KITLG: variants seen among roughly 807,000 people sequenced by gnomAD.
The protein encoded by KITLG is c-Kit ligand.
Under a neutral mutation model 34.1 loss-of-function variants are expected in KITLG, and 13 were observed. The observed-to-expected ratio is 0.38, with a 90% CI of 0.25 to 0.61. The LOEUF is 0.61. KITLG is among the 20% of genes least tolerant of loss of function. KITLG has a pLI of 0.60. For missense variants in KITLG, 292 were observed against 318.9 expected, an observed-to-expected ratio of 0.92 and a Z score of 0.64; for synonymous variants, 110 against 104.0, an observed-to-expected ratio of 1.06 and a Z score of -0.35.
intron 9 of KITLG, among the ~76,000 whole-genome samples, chr12:88,499,003 C>T (rs1429350768): frequency 6.6e-6 from 1 of 152,076 alleles, no homozygotes; most frequent in African/African-American, 2.4e-5. Flanking sequence ...CACCTGTTTT[C>T]CCATAGAACA....
In KITLG at chr12:88,545,864, G is replaced by A. The variant is rs747378458; in HGVS notation, c.17C>T (p.Thr6Ile). The change falls in exon 2 of 10, where the codon ACT (threonine) becomes ATT (isoleucine). Residue 6 changes from threonine (T) to isoleucine (I), a missense_variant and splice_region_variant. By Grantham distance (89) the Thr-to-Ile change is moderately conservative. This residue lies in a region of KITLG where 152 missense variants were observed against 207.9 expected (regional missense o/e 0.73). Transcript: ENST00000644744. MKKTQ[T>I]WILTCIYLQL... is the part of the protein sequence containing the mutation. The stretch of plus-strand genomic sequence containing the variant: ...AAGATAAATGCAAGTGAGAATCCAA[G>A]TCTAAATGAAAACAGAAAAATTGCT... The A allele has an allele frequency of 6.3e-7, 1 of 1,594,198 alleles. No individual in the cohort carries two copies. The highest frequency in any genetic ancestry group is 8.6e-7 in the Non-Finnish European group (1 of 1,162,244).
intron 1 of KITLG, among the ~76,000 whole-genome samples, chr12:88,548,286 T>C (rs865856868): frequency 2.0e-4 from 30 of 151,998 alleles, no homozygotes; most frequent in African/African-American, 6.5e-4. Context: ...AATCCCCATC[T>C]CTACTAAAAA....
chr12:88,537,008 A>T (rs1870343729), intron 2 of KITLG, among the ~76,000 whole-genome samples: 1 of 152,064 alleles, frequency 6.6e-6, no homozygotes, highest in South Asian at 2.1e-4. Flanking sequence ...AAAACAACAG[A>T]TGCTGGTGTG....
intron 1 of KITLG, among the ~76,000 whole-genome samples, chr12:88,552,640 A>C (rs1293235104): frequency 6.6e-6 from 1 of 152,212 alleles, no homozygotes; most frequent in Non-Finnish European, 1.5e-5. Flanking sequence ...TGCCTCTGCC[A>C]GAATTATTGG....
intron 2 of KITLG, among the ~76,000 whole-genome samples, chr12:88,542,773 T>C (rs1592575889): frequency 1.3e-5 from 2 of 152,104 alleles, no homozygotes; most frequent in South Asian, 4.1e-4. Context: ...AAGTTGAGAT[T>C]CGGTATAGTG....
chr12:88,526,336 A>G (rs1478052005), intron 3 of KITLG, among the ~76,000 whole-genome samples: 1 of 152,218 alleles, frequency 6.6e-6, no homozygotes, highest in Non-Finnish European at 1.5e-5. Context: ...AAAAGAAGAT[A>G]ATAACGTTGC....
intron 8 of KITLG, among the ~76,000 whole-genome samples, chr12:88,505,965 T>C (rs1228831151): frequency 6.6e-6 from 1 of 152,132 alleles, no homozygotes; most frequent in East Asian, 1.9e-4. Context: ...TATGTTTTGA[T>C]AAAAGTGTGG....
At chr12:88,521,904 T>C (rs2120852553) in intron 3 of KITLG, among the ~76,000 whole-genome samples, 1 of 152,236 alleles carries the variant, frequency 6.6e-6, no homozygotes, top group Non-Finnish European at 1.5e-5. Flanking sequence ...CCTATGTACT[T>C]ATAACATGTT....
chr12:88,580,156 C>T, intron 1 of KITLG, 108 bp downstream of exon 1: 1 of 1,197,794 alleles, frequency 8.3e-7, no homozygotes, highest in Non-Finnish European at 1.2e-6. Flanking sequence ...CCGGCAGGCA[C>T]AGCCCTGCAC....
In KITLG at chr12:88,580,423, C is replaced by T; in HGVS notation, c.-145G>A. On this transcript the variant is annotated 5_prime_UTR_variant, in exon 1 of 10. Coordinates refer to ENST00000644744, the MANE Select transcript of KITLG (RefSeq NM_000899.5). ...CGAGCGCAGCGCCCTCTCCACTGTC[C>T]CTGCTTCCCGCAGCGCTTCTAGTCT... 1.0e-6 allele frequency: 1 copy of T among 954,358 alleles called. No individual in the cohort carries two copies. Among genetic ancestry groups the T allele is most frequent in the Admixed American group, 2.1e-5 (1 of 47,418 alleles). 59.1% of individuals were successfully genotyped at this position (954,358 alleles called of 1,614,324 possible).
Position 88,536,649 on chromosome 12 carries a change from G to T in KITLG, c.130-4146C>A, listed in dbSNP as rs1285771625. 2.6e-5 allele frequency among the ~76,000 whole-genome samples: 4 copies of T among 152,188 alleles called. No individual in the cohort carries two copies. The South Asian group carries it at 8.3e-4, about 31-fold the overall frequency. ...GCACATATACAGCATGGAATAATAT[G>T]CAGCCATAAAAAGGATGAGTTCATG... On this transcript the variant is annotated intron_variant, in intron 2 of 9. Coordinates refer to ENST00000644744, the MANE Select transcript of KITLG (RefSeq NM_000899.5).
intron 1 of KITLG, among the ~76,000 whole-genome samples, chr12:88,552,472 G>A (rs1036989760): frequency 6.6e-6 from 1 of 151,744 alleles, no homozygotes; most frequent in African/African-American, 2.4e-5. Context: ...TTACAGGTAT[G>A]AGCCACTGCA....
At chr12:88,536,443 T>C (rs975441467) in intron 2 of KITLG, among the ~76,000 whole-genome samples, 6 of 152,320 alleles carry the variant, frequency 3.9e-5, no homozygotes. Context: ...CTCAAGGATC[T>C]AGAACCAGAA....
chr12:88,526,586 C>T (rs1869875738), intron 3 of KITLG, among the ~76,000 whole-genome samples: 1 of 152,144 alleles, frequency 6.6e-6, no homozygotes, highest in African/African-American at 2.4e-5. Flanking sequence ...GTGAAGTTTA[C>T]AGGTTGGTGG....
At chr12:88,527,522 G>A (rs1170993914) in intron 3 of KITLG, among the ~76,000 whole-genome samples, 1 of 152,180 alleles carries the variant, frequency 6.6e-6, no homozygotes, top group Non-Finnish European at 1.5e-5. Flanking sequence ...ATTTAGCTGT[G>A]CCTTTAAAAA....
intron 8 of KITLG, 46 bp downstream of exon 8, chr12:88,506,265 G>C: frequency 7.8e-7 from 1 of 1,284,528 alleles, no homozygotes; most frequent in Non-Finnish European, 1.1e-6. Flanking sequence ...TGTGTGAAAT[G>C]GCAATGTCAT....
chr12:88,509,063 G>T (rs777596562), intron 6 of KITLG, among the ~76,000 whole-genome samples: 1 of 152,124 alleles, frequency 6.6e-6, no homozygotes, highest in Non-Finnish European at 1.5e-5. Flanking sequence ...GGGATTGCTG[G>T]TATGTAATTA....
chr12:88,546,243 A>C (rs563849463), intron 1 of KITLG, among the ~76,000 whole-genome samples: 1 of 152,334 alleles, frequency 6.6e-6, no homozygotes, highest in African/African-American at 2.4e-5. Flanking sequence ...TCTTATTTCT[A>C]CTTTAAATGT....
chr12:88,532,584 A>G (rs1870139135), intron 2 of KITLG, 81 bp from the exon 3 acceptor site: 2 of 930,508 alleles, frequency 2.1e-6, no homozygotes, highest in Non-Finnish European at 3.4e-6. Context: ...GGAGAAAAGC[A>G]CACAAAACTG....
Sources: allele counts gnomAD v4.1 joint callset (sites outside exome capture counted in the v4.1 genomes callset), GRCh38; gene constraint gnomAD v4.1.1; regional missense constraint gnomAD v4.1.1; transcripts MANE v1.5; gene names NCBI Gene and HGNC (gene_info 2026-07-23, HGNC 2026-07-21).